RYR2: variants seen among roughly 807,000 people sequenced by gnomAD.
RYR2 encodes the protein ryanodine receptor 2.
RYR2 carries 227 observed loss-of-function variants against 601.1 expected under a neutral mutation model. The observed-to-expected ratio is 0.38, with a 90% CI of 0.34 to 0.42. The LOEUF (loss-of-function observed/expected upper bound fraction) is 0.42. RYR2 is among the 10% of genes least tolerant of loss of function. The pLI is 1.00. For missense variants in RYR2, 4,646 were observed against 6,156.5 expected (o/e 0.75, Z 8.21); for synonymous variants, 2,223 against 2,175.1 (o/e 1.02, Z -0.61).
chr1:237,672,885 C>A (rs1316313295), intron 58 of RYR2, among the ~76,000 whole-genome samples: 2 of 152,088 alleles, frequency 1.3e-5, no homozygotes, highest in Non-Finnish European at 2.9e-5. Context: ...AGTTCTTGAC[C>A]AGCACCTTCC....
chr1:237,717,446 C>T, intron 72 of RYR2, 78 bp downstream of exon 72: 1 of 1,176,094 alleles, frequency 8.5e-7, no homozygotes, highest in Non-Finnish European at 1.2e-6. Context: ...TGTCTCACTG[C>T]CCTATGTCAA....
chr1:237,133,562 A>G (rs930272755), intron 1 of RYR2, among the ~76,000 whole-genome samples: 2 of 152,224 alleles, frequency 1.3e-5, no homozygotes, highest in South Asian at 4.1e-4. Context: ...AAGAAAACAT[A>G]TAGATACTGT....
At chr1:237,541,525 T>G (rs1669255455) in intron 25 of RYR2, among the ~76,000 whole-genome samples, 1 of 152,184 alleles carries the variant, frequency 6.6e-6, no homozygotes, top group Admixed American at 6.5e-5. Context: ...TCTAACATAC[T>G]ATCATATTAT....
At chr1:237,514,201 T>A (rs1666194957) in intron 24 of RYR2, among the ~76,000 whole-genome samples, 2 of 152,254 alleles carry the variant, frequency 1.3e-5, no homozygotes, top group Admixed American at 1.3e-4. Flanking sequence ...AGGTCTAACA[T>A]AATTTAAATT....
At chr1:237,549,628 CTTTT>C (rs57579159) in intron 26 of RYR2, among the ~76,000 whole-genome samples, 10 of 77,732 alleles carry the variant, frequency 1.3e-4, no homozygotes, top group African/African-American at 3.7e-4. Flanking sequence ...CCATAGCTTT[CTTTT>C]TTTTTTTTTT....
chr1:237,638,490 A>G lies in RYR2; in HGVS notation c.6926A>G (p.Asn2309Ser), dbSNP rs1681106863. The stretch of plus-strand genomic sequence containing the variant: ...TTTCTTAGATTTGCTGTCTTCTGTA[A>G]TGGTAGGACTTGATTTCTTGAGGTC... ...LDFLRFAVFC[N>S]GESVEENANV... Residue 2309 changes from asparagine (N) to serine (S), a missense_variant and splice_region_variant, in exon 45 of 105, where the codon AAT (asparagine) becomes AGT (serine). This residue lies in a region of RYR2 where 137 missense variants were observed against 273.6 expected (regional missense o/e 0.50). Transcript: ENST00000366574. 1 of 1,613,644 alleles carries G rather than the reference A, an allele frequency of 6.2e-7. No homozygotes were observed. The highest frequency in any genetic ancestry group is 1.3e-5 in the African/African-American group (1 of 74,932).
intron 1 of RYR2, among the ~76,000 whole-genome samples, chr1:237,115,041 T>C (rs529640448): frequency 1.1e-3 from 164 of 152,074 alleles, no homozygotes; most frequent in Non-Finnish European, 1.5e-3. Flanking sequence ...GAGGTCCAAA[T>C]TGCAAGGAGG....
chr1:237,798,970 A>T (rs937332924), intron 97 of RYR2, among the ~76,000 whole-genome samples: 5 of 152,206 alleles, frequency 3.3e-5, no homozygotes, highest in African/African-American at 1.2e-4. Context: ...TAGGGATGTG[A>T]TGGTTACTTT....
At chr1:237,308,008 G>A (rs113076550) in intron 2 of RYR2, among the ~76,000 whole-genome samples, 7 of 152,032 alleles carry the variant, frequency 4.6e-5, no homozygotes, top group South Asian at 2.1e-4. Context: ...GACTTGCTGA[G>A]ACTCCATCTT....
At chr1:237,061,591 G>A (rs573695986) in intron 1 of RYR2, among the ~76,000 whole-genome samples, 1 of 152,284 alleles carries the variant, frequency 6.6e-6, no homozygotes, top group African/African-American at 2.4e-5. Flanking sequence ...GAGCCATGGT[G>A]CCTGACCAGA....
chr1:237,380,287 A>G (rs192724441), intron 8 of RYR2, among the ~76,000 whole-genome samples: 57 of 146,214 alleles, frequency 3.9e-4, no homozygotes, highest in Non-Finnish European at 7.8e-4. Flanking sequence ...GAAATAATCT[A>G]TAGAATAAAC....
chr1:237,390,322 T>C (rs1325097601), intron 10 of RYR2, among the ~76,000 whole-genome samples: 2 of 152,084 alleles, frequency 1.3e-5, no homozygotes, highest in Non-Finnish European at 2.9e-5. Context: ...AGATCTGGGA[T>C]TGGGGTTCTG....
intron 53 of RYR2, 115 bp downstream of exon 53, chr1:237,656,099 C>A: frequency 1.2e-6 from 1 of 827,436 alleles, no homozygotes; most frequent in African/African-American, 1.8e-5. Context: ...GAATTGGTAT[C>A]CTTTTAATAG....
intron 3 of RYR2, among the ~76,000 whole-genome samples, chr1:237,332,872 G>A (rs1474055954): frequency 2.6e-5 from 4 of 152,042 alleles, no homozygotes; most frequent in African/African-American, 9.7e-5. Flanking sequence ...TTTTGAGATG[G>A]GGTCTTGCTA....
Position 237,833,516 on chromosome 1 carries a change from G to A in RYR2, c.*869G>A, listed in dbSNP as rs886046303. 3 of 144,392 alleles carry A rather than the reference G, an allele frequency of 2.1e-5. No homozygotes were observed. The highest frequency in any genetic ancestry group is 5.6e-5 in the African/African-American group (2 of 35,628). The allele number at this position is 144,392 out of a possible 1,614,324, so 8.9% of individuals were successfully genotyped here. A position where few individuals can be genotyped will look rare whatever the true frequency, so the allele number is the denominator to read the frequency against. On this transcript the variant is annotated 3_prime_UTR_variant, in exon 105 of 105. Transcript: ENST00000366574. The stretch of plus-strand genomic sequence containing the variant: ...GCATGTTTATTATGCAAGTTTAAAT[G>A]AACAAAGAAAACCTTCAGAAACAAG...
chr1:237,110,202 G>A (rs1669298102), intron 1 of RYR2, among the ~76,000 whole-genome samples: 1 of 152,134 alleles, frequency 6.6e-6, no homozygotes, highest in African/African-American at 2.4e-5. Context: ...TTAAAACGCA[G>A]ATTGCTGGGC....
chr1:237,283,766 A>G (rs1209036737), intron 2 of RYR2, among the ~76,000 whole-genome samples: 1 of 152,234 alleles, frequency 6.6e-6, no homozygotes, highest in Middle Eastern at 3.2e-3. Context: ...GTCTTGGTAT[A>G]GTACATTTGT....
At chr1:237,567,970 GT>G (rs1402637538) in intron 28 of RYR2, among the ~76,000 whole-genome samples, 2 of 149,282 alleles carry the variant, frequency 1.3e-5, no homozygotes, top group East Asian at 2.0e-4. Context: ...TTTTTGGGGG[GT>G]TGGGGGGCGG....
intron 101 of RYR2, among the ~76,000 whole-genome samples, chr1:237,820,521 G>A (rs143090800): frequency 1.0e-3 from 152 of 152,266 alleles, no homozygotes; most frequent in Non-Finnish European, 1.3e-3. Flanking sequence ...CATGGTCTTC[G>A]CAACCAGCAG....
Sources: gnomAD v4.1 joint callset for allele counts (sites outside exome capture counted in the v4.1 genomes callset) on GRCh38, gnomAD v4.1.1 for gene constraint, gnomAD v4.1.1 regional missense constraint, MANE v1.5 for transcripts, NCBI Gene and HGNC (gene_info 2026-07-23, HGNC 2026-07-21) for gene names.